Variants in PDGFD observed in about 807,000 individuals in gnomAD.
PDGFD encodes the protein platelet derived growth factor D.
A neutral mutation model predicts 44.7 loss-of-function variants in PDGFD; 30 were observed. The ratio of observed to expected loss-of-function variants is 0.67; its 90% confidence interval spans 0.50 to 0.91. PDGFD has a LOEUF of 0.91. PDGFD is among the 40% of genes least tolerant of loss of function. The probability of loss-of-function intolerance (pLI) is 0.00; values close to 1 mark genes in which losing one functional copy is unlikely to be tolerated. For missense variants in PDGFD, 445 were observed against 457.8 expected, an observed-to-expected ratio of 0.97 and a Z score of 0.25; for synonymous variants, 173 against 168.4, an observed-to-expected ratio of 1.03 and a Z score of -0.21.
chr11:103,940,038 C>G (rs986828276), intron 5 of PDGFD, among the ~76,000 whole-genome samples: 1 of 151,964 alleles, frequency 6.6e-6, no homozygotes, highest in South Asian at 2.1e-4. Flanking sequence ...GGTTTCAATA[C>G]TTGGTAATTT....
intron 3 of PDGFD, among the ~76,000 whole-genome samples, chr11:103,986,321 G>C (rs934407728): frequency 2.0e-5 from 3 of 152,196 alleles, no homozygotes; most frequent in African/African-American, 7.2e-5. Flanking sequence ...CTTAGAGCCA[G>C]AGTGAGTACA....
At chr11:103,943,424 G>T (rs182940428) in intron 5 of PDGFD, 28 bp downstream of exon 5, 1 of 1,585,852 alleles carries the variant, frequency 6.3e-7, no homozygotes, top group East Asian at 2.2e-5. Context: ...ATGTGCTTAT[G>T]AAGAATGTAC....
chr11:104,139,275 T>C (rs1862051012), intron 1 of PDGFD, among the ~76,000 whole-genome samples: 1 of 152,190 alleles, frequency 6.6e-6, no homozygotes, highest in Non-Finnish European at 1.5e-5. Flanking sequence ...AATCTGATGC[T>C]TCACACTGCA....
chr11:104,031,171 C>T (rs773233462), intron 1 of PDGFD, among the ~76,000 whole-genome samples: 3 of 152,012 alleles, frequency 2.0e-5, no homozygotes, highest in Admixed American at 6.6e-5. Flanking sequence ...AGCTTCTGCA[C>T]AGAAAAATAA....
At chr11:104,124,388 T>A (rs1399899681) in intron 1 of PDGFD, among the ~76,000 whole-genome samples, 1 of 152,066 alleles carries the variant, frequency 6.6e-6, no homozygotes, top group Admixed American at 6.6e-5. Context: ...TGGTGGTGAA[T>A]TCCCTTTTAC....
intron 1 of PDGFD, among the ~76,000 whole-genome samples, chr11:104,105,775 C>T (rs978368122): frequency 6.6e-6 from 1 of 151,794 alleles, no homozygotes; most frequent in Non-Finnish European, 1.5e-5. Flanking sequence ...CAAAAACTGC[C>T]ATGTAAAATA....
Position 104,163,996 on chromosome 11 carries a change from G to GC in PDGFD, c.-70dup. The GC allele has an allele frequency of 7.0e-7, 1 of 1,435,876 alleles. No individual in the cohort carries two copies. The highest frequency in any genetic ancestry group is 9.3e-7 in the Non-Finnish European group (1 of 1,078,624). 88.9% of individuals were successfully genotyped at this position (1,435,876 alleles called of 1,614,324 possible). ...GGGTTCTGCTCCCGGGACCGACGCCGCGCCGCCCTGCGCTCTCGCCGCCTG... is the reference window on the plus strand; with the variant it reads ...GGGTTCTGCTCCCGGGACCGACGCCGCCGCCGCCCTGCGCTCTCGCCGCCTG... On this transcript the variant is annotated 5_prime_UTR_variant, in exon 1 of 7. Coordinates refer to ENST00000393158, the MANE Select transcript of PDGFD (RefSeq NM_025208.5).
chr11:104,054,017 C>T (rs118169366), intron 1 of PDGFD, among the ~76,000 whole-genome samples: 3,953 of 152,114 alleles, frequency 0.026, 72 homozygotes, highest in Non-Finnish European at 0.037. Flanking sequence ...TCATTTTTTC[C>T]CAAGATAAAC....
intron 1 of PDGFD, among the ~76,000 whole-genome samples, chr11:104,012,345 G>A (rs1207908396): frequency 6.6e-6 from 1 of 152,148 alleles, no homozygotes; most frequent in Non-Finnish European, 1.5e-5. Context: ...AAAGACTTCT[G>A]TGATTCAATG....
At chr11:104,118,839 TA>T (rs1192469337) in intron 1 of PDGFD, among the ~76,000 whole-genome samples, 2 of 31,490 alleles carry the variant, frequency 6.4e-5, no homozygotes, top group Non-Finnish European at 1.2e-4. Flanking sequence ...TATTAATATA[TA>T]ATATATTATA....
chr11:103,917,071 C>A (rs897234757), intron 6 of PDGFD, among the ~76,000 whole-genome samples: 3 of 151,126 alleles, frequency 2.0e-5, no homozygotes, highest in Non-Finnish European at 2.9e-5. Context: ...ATGTACCCCA[C>A]AACTTAAAGT....
chr11:103,989,612 C>CA (rs1439657760), intron 3 of PDGFD, among the ~76,000 whole-genome samples: 1 of 152,028 alleles, frequency 6.6e-6, no homozygotes, highest in African/African-American at 2.4e-5. Flanking sequence ...GAAAATTTGA[C>CA]AAAGGATATG....
At chr11:104,048,850 G>C (rs1860482931) in intron 1 of PDGFD, among the ~76,000 whole-genome samples, 1 of 152,200 alleles carries the variant, frequency 6.6e-6, no homozygotes, top group South Asian at 2.1e-4. Context: ...TATTTCCAAT[G>C]AAAGTTTCAA....
intron 1 of PDGFD, among the ~76,000 whole-genome samples, chr11:104,107,560 T>C (rs1398661947): frequency 6.6e-6 from 1 of 152,204 alleles, no homozygotes; most frequent in East Asian, 1.9e-4. Flanking sequence ...GTGATATTAA[T>C]ATTTATTAAA....
intron 1 of PDGFD, among the ~76,000 whole-genome samples, chr11:104,118,184 C>T (rs1239643409): frequency 1.3e-5 from 2 of 151,814 alleles, no homozygotes; most frequent in African/African-American, 2.4e-5. Flanking sequence ...GATTATGAAG[C>T]CTAATCCTCA....
chr11:103,922,215 C>T (rs1355883906), intron 6 of PDGFD, among the ~76,000 whole-genome samples: 2 of 152,158 alleles, frequency 1.3e-5, no homozygotes, highest in Admixed American at 1.3e-4. Flanking sequence ...TATCCTCTTC[C>T]TTCATTATAC....
At position 103,907,796 on chromosome 11, in the gene PDGFD, G is replaced by A. The variant is rs748353188; in HGVS notation, c.*1898C>T. 4 of 152,180 alleles carry A rather than the reference G, an allele frequency of 2.6e-5. No individual in the cohort carries two copies. Among genetic ancestry groups the A allele is most frequent in the African/African-American group, 9.7e-5 (4 of 41,442 alleles). The allele number at this position is 152,180 out of a possible 1,614,324, so 9.4% of individuals were successfully genotyped here. A position where few individuals can be genotyped will look rare whatever the true frequency, so the allele number is the denominator to read the frequency against. Reference sequence around the variant, plus strand: ...CTTGCAAAGCAGTTATGAAGAGGAAGAGCGTTCTTAATTATTAGTGTCTGC... The same window carrying A: ...CTTGCAAAGCAGTTATGAAGAGGAAAAGCGTTCTTAATTATTAGTGTCTGC... On this transcript the variant is annotated 3_prime_UTR_variant, in exon 7 of 7. Coordinates refer to ENST00000393158, the MANE Select transcript of PDGFD (RefSeq NM_025208.5).
rs149802181 is a variant in PDGFD, at chr11:104,016,774, C to T, written c.125-16519G>A. ...TTCGAATGAAAACATTAATACTACA[C>T]GGTTGTTGCTCTGAACAAGGTGGTT... On this transcript the variant is annotated intron_variant, in intron 1 of 6. Transcript: ENST00000393158. 2.4e-3 allele frequency among the ~76,000 whole-genome samples: 369 copies of T among 152,276 alleles called. 2 individuals are homozygous for T. The highest frequency in any genetic ancestry group is 8.4e-3 in the African/African-American group (351 of 41,564).
intron 1 of PDGFD, among the ~76,000 whole-genome samples, chr11:104,147,203 A>G (rs1862174982): frequency 6.6e-6 from 1 of 152,112 alleles, no homozygotes; most frequent in African/African-American, 2.4e-5. Context: ...TGTTTTGAAA[A>G]CTAAGTACAC....
Sources: gnomAD v4.1 joint callset for allele counts (sites outside exome capture counted in the v4.1 genomes callset) on GRCh38, gnomAD v4.1.1 for gene constraint, MANE v1.5 for transcripts, NCBI Gene and HGNC (gene_info 2026-07-23, HGNC 2026-07-21) for gene names.